Variants in ANGPT2 observed in about 807,000 individuals in gnomAD.
ANGPT2 encodes angiopoietin-2.
A neutral mutation model predicts 62.9 loss-of-function variants in ANGPT2; 28 were observed. That is an observed-to-expected ratio of 0.44 (90% CI 0.33 to 0.61). The LOEUF is 0.61. Among genes scored for constraint, ANGPT2 ranks in the 20% least tolerant of loss-of-function variants. The pLI, the probability that ANGPT2 is intolerant of heterozygous loss-of-function variation, is 0.03. For synonymous variants in ANGPT2, 284 were observed against 207.8 expected (o/e 1.37, Z -3.15); for missense variants, 727 against 594.9 (o/e 1.22, Z -2.31).
rs1812499756 is a variant in ANGPT2, at chr8:6,503,020, G to T, written c.*81C>A. ...GCCCTCTGTGGTGGAAGAGGACACA[G>T]TGCGCAGCCGTGACTTTCAGTGCAC... On this transcript the variant is annotated 3_prime_UTR_variant, in exon 9 of 9. Transcript: ENST00000629816. The T allele has an allele frequency of 4.6e-6, 7 of 1,533,892 alleles. No homozygotes were observed. In the East Asian group the frequency reaches 1.3e-4, roughly 30 times the overall value.
chr8:6,532,526 A>G, intron 1 of ANGPT2, 39 bp from the exon 2 acceptor site: 1 of 1,509,378 alleles, frequency 6.6e-7, no homozygotes, highest in Non-Finnish European at 8.9e-7. Flanking sequence ...CATTAGTCAA[A>G]TGACCGGAAA....
intron 2 of ANGPT2, among the ~76,000 whole-genome samples, chr8:6,528,334 C>T (rs1818773134): frequency 6.6e-6 from 1 of 152,174 alleles, no homozygotes; most frequent in Non-Finnish European, 1.5e-5. Context: ...GGTCATATTT[C>T]ATAGGTGGAA....
At chr8:6,532,878 A>G (rs1407057625) in intron 1 of ANGPT2, among the ~76,000 whole-genome samples, 1 of 152,214 alleles carries the variant, frequency 6.6e-6, no homozygotes, top group Non-Finnish European at 1.5e-5. Context: ...TCAGGAAATG[A>G]TAATTTGACA....
At chr8:6,547,033 C>T (rs749552665) in intron 1 of ANGPT2, among the ~76,000 whole-genome samples, 3 of 152,092 alleles carry the variant, frequency 2.0e-5, no homozygotes, top group Admixed American at 6.5e-5. Context: ...GTTCTCAGAG[C>T]AACATGCACG....
chr8:6,540,842 C>T (rs1405916582), intron 1 of ANGPT2, among the ~76,000 whole-genome samples: 3 of 152,250 alleles, frequency 2.0e-5, no homozygotes, highest in East Asian at 1.9e-4. Context: ...CAGGGTGGTT[C>T]GCACACGTGG....
At chr8:6,511,753 C>T (rs537520083) in intron 7 of ANGPT2, among the ~76,000 whole-genome samples, 1 of 152,176 alleles carries the variant, frequency 6.6e-6, no homozygotes, top group African/African-American at 2.4e-5. Context: ...AATGGCCTAT[C>T]CAAAAATTGA....
rs181374210 is a variant in ANGPT2, at chr8:6,534,628, G to T, written c.289-2141C>A. Among the ~76,000 whole-genome samples, 57 of 152,068 alleles carry T rather than the reference G, an allele frequency of 3.7e-4. 1 individual carries two copies. The East Asian group carries it at 9.1e-3, about 24-fold the overall frequency. ...TAGACCACTACTTTAAAAAATTAAA[G>T]TATTAAAAAATTTTTAAAAATTTAA... is the stretch of plus-strand genomic sequence containing the variant. On this transcript the variant is annotated intron_variant, in intron 1 of 8. Transcript: ENST00000629816.
At chr8:6,509,615 T>C (rs1814545839) in intron 7 of ANGPT2, among the ~76,000 whole-genome samples, 1 of 152,152 alleles carries the variant, frequency 6.6e-6, no homozygotes, top group African/African-American at 2.4e-5. Flanking sequence ...CTTTTAGACA[T>C]TGAGAAAGGA....
intron 1 of ANGPT2, among the ~76,000 whole-genome samples, chr8:6,541,287 G>A (rs1249391579): frequency 6.6e-6 from 1 of 152,164 alleles, no homozygotes; most frequent in Non-Finnish European, 1.5e-5. Context: ...GAAAGTCAGT[G>A]CCCACCCCAA....
intron 2 of ANGPT2, among the ~76,000 whole-genome samples, chr8:6,528,252 CA>C (rs1289448275): frequency 6.6e-6 from 1 of 152,134 alleles, no homozygotes; most frequent in Non-Finnish European, 1.5e-5. Flanking sequence ...GGGTCTGTGC[CA>C]AATACTAAAT....
chr8:6,558,223 G>T (rs1824962238), intron 1 of ANGPT2, among the ~76,000 whole-genome samples: 1 of 152,002 alleles, frequency 6.6e-6, no homozygotes, highest in South Asian at 2.1e-4. Flanking sequence ...TTAAATAAAG[G>T]GCTGGTAAAA....
At chr8:6,555,680 T>G (rs928606457) in intron 1 of ANGPT2, among the ~76,000 whole-genome samples, 7 of 152,008 alleles carry the variant, frequency 4.6e-5, no homozygotes, top group Non-Finnish European at 1.0e-4. Flanking sequence ...CCAGGCTGGT[T>G]TTGAACTCCT....
Position 6,563,018 on chromosome 8 carries a change from G to T in ANGPT2, c.-84C>A. On this transcript the variant is annotated 5_prime_UTR_variant, in exon 1 of 9. Coordinates refer to ENST00000629816, the MANE Select transcript of ANGPT2 (RefSeq NM_001118887.2). ...GTCCCGAGCTGCTGCCGTCTAAAAC[G>T]CAGGGCTGCTACGCTGCCATGGCTG... 7.0e-7 allele frequency: 1 copy of T among 1,427,520 alleles called. No individual in the cohort carries two copies. Among genetic ancestry groups the T allele is most frequent in the South Asian group, 1.4e-5 (1 of 72,922 alleles). The allele number at this position is 1,427,520 out of a possible 1,614,324, so 88.4% of individuals were successfully genotyped here.
intron 7 of ANGPT2, among the ~76,000 whole-genome samples, chr8:6,511,724 C>T (rs1332548984): frequency 1.3e-5 from 2 of 152,040 alleles, no homozygotes; most frequent in African/African-American, 2.4e-5. Flanking sequence ...AGCTTTAAAC[C>T]AATGTGTGTG....
chr8:6,527,613 A>G lies in ANGPT2; in HGVS notation c.508T>C (p.Leu170=). The stretch of plus-strand genomic sequence containing the variant: ...GTCTGGTCCAAAATCTGTTTTTCCA[A>G]TTTGTTTGTCGAGAGGGAGTGTTCC... The part of the protein sequence containing the change: ...LLEHSLSTNK[L]EKQILDQTSE... Residue 170 remains leucine, a synonymous_variant, in exon 3 of 9, where the codon TTG becomes CTG. Transcript: ENST00000629816. The G allele has an allele frequency of 3.7e-6, 6 of 1,613,870 alleles. No homozygotes were observed. The highest frequency in any genetic ancestry group is 2.2e-5 in the South Asian group (2 of 91,072).
rs1238243588 is a variant in ANGPT2, at chr8:6,514,847, A to G, written c.928-69T>C. On this transcript the variant is annotated intron_variant, in intron 5 of 8. Coordinates refer to ENST00000629816, the MANE Select transcript of ANGPT2 (RefSeq NM_001118887.2). Reference sequence around the variant, plus strand: ...TCCCCCCTTACGTAGCAGAAGCAGGAGGAATGTAGACCCTGAGTGCAGGAC... The same window carrying G: ...TCCCCCCTTACGTAGCAGAAGCAGGGGGAATGTAGACCCTGAGTGCAGGAC... 3.0e-6 allele frequency: 4 copies of G among 1,354,660 alleles called. No individual in the cohort carries two copies. The East Asian group carries it at 9.4e-5, about 32-fold the overall frequency. The allele number at this position is 1,354,660 out of a possible 1,614,324, so 83.9% of individuals were successfully genotyped here. A position where few individuals can be genotyped will look rare whatever the true frequency, so the allele number is the denominator to read the frequency against.
At chr8:6,513,041 C>T (rs1335640354) in intron 7 of ANGPT2, among the ~76,000 whole-genome samples, 1 of 152,230 alleles carries the variant, frequency 6.6e-6, no homozygotes, top group Non-Finnish European at 1.5e-5. Flanking sequence ...TTATGCTATT[C>T]ATGTGACATA....
Position 6,557,688 on chromosome 8 carries a change from TACACACAC to T in ANGPT2, c.288+4951_288+4958del, listed in dbSNP as rs112788253. 8.9e-4 allele frequency among the ~76,000 whole-genome samples: 133 copies of T among 148,794 alleles called. 1 individual carries two copies. The highest frequency in any genetic ancestry group is 3.2e-3 in the African/African-American group (128 of 40,626). Reference sequence around the variant, plus strand: ...ATTTAATATGATATATATGTGTGTGTACACACACACACACACACACACACACATACATA... The same window carrying T: ...ATTTAATATGATATATATGTGTGTGTACACACACACACACACACATACATA... On this transcript the variant is annotated intron_variant, in intron 1 of 8. Transcript: ENST00000629816.
At chr8:6,515,454 C>T (rs3020219) in intron 5 of ANGPT2, among the ~76,000 whole-genome samples, 52,769 of 151,926 alleles carry the variant, frequency 0.35, 9,359 homozygotes, top group Middle Eastern at 0.48. Context: ...CTTCTCTGTA[C>T]ATAGCTCACT....
Sources: gnomAD v4.1 joint callset for allele counts (sites outside exome capture counted in the v4.1 genomes callset) on GRCh38, gnomAD v4.1.1 for gene constraint, MANE v1.5 for transcripts, NCBI Gene and HGNC (gene_info 2026-07-23, HGNC 2026-07-21) for gene names.